PRKCH: variants seen among roughly 807,000 people sequenced by gnomAD.
PRKCH encodes protein kinase C eta type.
Under a neutral mutation model 82.5 loss-of-function variants are expected in PRKCH, and 28 were observed. The observed-to-expected ratio is 0.34, with a 90% CI of 0.25 to 0.47. The LOEUF (loss-of-function observed/expected upper bound fraction) is 0.47. Ranked by LOEUF, PRKCH falls within the 20% of genes least tolerant of loss-of-function variation. PRKCH has a pLI of 1.00. For synonymous variants in PRKCH, 322 were observed against 327.4 expected, an observed-to-expected ratio of 0.98 and a Z score of 0.18; for missense variants, 705 against 881.8, an observed-to-expected ratio of 0.80 and a Z score of 2.54.
At chr14:61,520,731 A>G (rs974367660) in intron 10 of PRKCH, among the ~76,000 whole-genome samples, 1 of 152,240 alleles carries the variant, frequency 6.6e-6, no homozygotes, top group Non-Finnish European at 1.5e-5. Context: ...TAGAAGGATG[A>G]TTCCATCTAG....
intron 1 of PRKCH, among the ~76,000 whole-genome samples, chr14:61,331,679 G>C (rs536887625): frequency 2.0e-5 from 3 of 152,152 alleles, no homozygotes; most frequent in Non-Finnish European, 4.4e-5. Context: ...CCATTTCCCC[G>C]TTATATTGTG....
chr14:61,267,404 C>T (rs1052068695), intron 1 of PRKCH, among the ~76,000 whole-genome samples: 1 of 152,200 alleles, frequency 6.6e-6, no homozygotes, highest in Non-Finnish European at 1.5e-5. Context: ...TTCTGACACT[C>T]TAGCCCCAAG....
intron 10 of PRKCH, among the ~76,000 whole-genome samples, chr14:61,505,940 T>G (rs1042268528): frequency 3.9e-5 from 6 of 152,010 alleles, no homozygotes; most frequent in Admixed American, 1.3e-4. Context: ...CACCTAAAGC[T>G]CCGTTAAGAA....
intron 1 of PRKCH, among the ~76,000 whole-genome samples, chr14:61,363,984 A>ATG (rs35878795): frequency 0.97 from 140,769 of 145,334 alleles, 68,159 homozygotes; most frequent in East Asian, 1. Context: ...GTGTGTGTAT[A>ATG]TGTGTGTGTG....
intron 1 of PRKCH, among the ~76,000 whole-genome samples, chr14:61,383,648 T>C (rs1957906): frequency 2.0e-5 from 3 of 151,246 alleles, no homozygotes; most frequent in Admixed American, 2.0e-4. Context: ...TTGAGTACCT[T>C]GCAGTTGTCC....
rs138278236 is a variant in PRKCH at position 61,330,783 on chromosome 14, C to T, written c.363+8319C>T. Among the ~76,000 whole-genome samples the T allele has an allele frequency of 3.3e-3, 508 of 152,262 alleles. 1 individual carries two copies. Among genetic ancestry groups the T allele is most frequent in the African/African-American group, 0.011 (463 of 41,546 alleles). ...ACCTGGGACATTTTAAATTTTGTGA[C>T]ACTATAGCTCAAGCCTTTGTTTTCT... On this transcript the variant is annotated intron_variant, in intron 1 of 13. Transcript: ENST00000332981.
chr14:61,453,518 T>TTTTC (rs1313695431), intron 7 of PRKCH, among the ~76,000 whole-genome samples, 165 bp downstream of exon 7: 1 of 151,708 alleles, frequency 6.6e-6, no homozygotes, highest in Non-Finnish European at 1.5e-5. Context: ...TTCTTTTTTC[T>TTTTC]TTTCTTTCTT....
At chr14:61,291,431 G>A (rs1022808527) in intron 1 of PRKCH, among the ~76,000 whole-genome samples, 1 of 147,470 alleles carries the variant, frequency 6.8e-6, no homozygotes, top group East Asian at 2.1e-4. Flanking sequence ...CCGGGTTCAA[G>A]CAATTCTCCT....
chr14:61,485,626 T>A lies in PRKCH; in HGVS notation c.1403T>A (p.Met468Lys). 6.2e-7 allele frequency: 1 copy of A among 1,614,184 alleles called. No homozygotes were observed. Among genetic ancestry groups the A allele is most frequent in the Non-Finnish European group, 8.5e-7 (1 of 1,180,012 alleles). The change falls in exon 10 of 14, where the codon ATG (methionine) becomes AAG (lysine). Residue 468 changes from methionine to lysine, a missense_variant. Around this residue, in one of 5 missense-constraint regions of PRKCH, gnomAD observed 238 missense variants for 258.1 expected, o/e 0.92. Transcript: ENST00000332981. ...GCTGCAGAAATCATTTCGGCTCTCA[T>A]GTTCCTCCATGATAAAGGAATCATC... ...FYAAEIISAL[M>K]FLHDKGIIYR...
intron 1 of PRKCH, among the ~76,000 whole-genome samples, chr14:61,343,151 C>G (rs980186331): frequency 6.6e-6 from 1 of 152,084 alleles, no homozygotes; most frequent in Admixed American, 6.6e-5. Context: ...GCCTGATTGG[C>G]GTTTCCAGTA....
intron 12 of PRKCH, among the ~76,000 whole-genome samples, chr14:61,542,119 G>A (rs536710191): frequency 2.0e-5 from 3 of 151,836 alleles, no homozygotes; most frequent in Non-Finnish European, 2.9e-5. Flanking sequence ...GTGAAACCCC[G>A]TCTCTACTAA....
intron 1 of PRKCH, among the ~76,000 whole-genome samples, chr14:61,197,971 A>G (rs1410359868): frequency 1.3e-5 from 2 of 152,162 alleles, no homozygotes; most frequent in African/African-American, 2.4e-5. Context: ...CTTCTGATCA[A>G]TAGAGTAGGT....
At position 61,481,990 on chromosome 14, in the gene PRKCH, CTTTTTTTTTTTT is replaced by C. The variant is rs35134897; in HGVS notation, c.1279-3500_1279-3489del. ...GATGTGTGGGTCTTCTTTCCTTTTC[CTTTTTTTTTTTT>C]TTTTTTTTTTTGAGACAGAGTCCCC... On this transcript the variant is annotated intron_variant, in intron 9 of 13. Transcript: ENST00000332981. 3.0e-5 allele frequency among the ~76,000 whole-genome samples: 3 copies of C among 101,076 alleles called. No individual in the cohort carries two copies. The East Asian group carries it at 1.1e-3, about 38-fold the overall frequency. The allele number at this position is 101,076 out of a possible 152,430, so 66.3% of individuals were successfully genotyped here. A position where few individuals can be genotyped will look rare whatever the true frequency, so the allele number is the denominator to read the frequency against.
At chr14:61,368,140 T>C (rs908410565) in intron 1 of PRKCH, among the ~76,000 whole-genome samples, 1 of 152,048 alleles carries the variant, frequency 6.6e-6, no homozygotes, top group Non-Finnish European at 1.5e-5. Context: ...GAGGAGCCTC[T>C]GATTCCCAGC....
chr14:61,510,224 C>G (rs1045500382), intron 10 of PRKCH, among the ~76,000 whole-genome samples: 5 of 152,158 alleles, frequency 3.3e-5, no homozygotes, highest in South Asian at 2.1e-4. Flanking sequence ...GAAGTGTGGG[C>G]TTTATTTTAT....
intron 1 of PRKCH, among the ~76,000 whole-genome samples, chr14:61,382,428 T>G (rs2046524641): frequency 6.6e-6 from 1 of 151,434 alleles, no homozygotes; most frequent in Admixed American, 6.6e-5. Flanking sequence ...AGACTCTGTC[T>G]CAAAACAAAA....
chr14:61,235,877 T>G (rs2044783558), intron 1 of PRKCH, among the ~76,000 whole-genome samples: 1 of 151,762 alleles, frequency 6.6e-6, no homozygotes, highest in African/African-American at 2.4e-5. Context: ...CAAACAGGAG[T>G]GTAAACTAAA....
At chr14:61,249,001 C>T (rs1271638308) in intron 1 of PRKCH, among the ~76,000 whole-genome samples, 1 of 152,060 alleles carries the variant, frequency 6.6e-6, no homozygotes, top group South Asian at 2.1e-4. Context: ...GGGGTTTCGC[C>T]ATGTTTACCT....
At chr14:61,356,124 C>G (rs1376426629) in intron 1 of PRKCH, among the ~76,000 whole-genome samples, 2 of 152,148 alleles carry the variant, frequency 1.3e-5, no homozygotes, top group African/African-American at 4.8e-5. Context: ...GATGACAACT[C>G]ATCCAGGGTG....
Sources: gnomAD v4.1 joint callset for allele counts (sites outside exome capture counted in the v4.1 genomes callset) on GRCh38, gnomAD v4.1.1 for gene constraint, gnomAD v4.1.1 regional missense constraint, MANE v1.5 for transcripts, NCBI Gene and HGNC (gene_info 2026-07-23, HGNC 2026-07-21) for gene names.